The following TENM3 variants were observed in gnomAD, a reference collection of about 807,000 sequenced individuals.
The protein encoded by TENM3 is teneurin-3.
A neutral mutation model predicts 255.1 loss-of-function variants in TENM3; 63 were observed. The ratio of observed to expected loss-of-function variants is 0.25; its 90% confidence interval spans 0.20 to 0.30. The LOEUF (loss-of-function observed/expected upper bound fraction) is 0.30. Among genes scored for constraint, TENM3 ranks in the 10% least tolerant of loss-of-function variants. The pLI is 1.00. For synonymous variants in TENM3, 1,306 were observed against 1,322.3 expected, an observed-to-expected ratio of 0.99 and a Z score of 0.27; for missense variants, 2,929 against 3,461.1, an observed-to-expected ratio of 0.85 and a Z score of 3.86.
rs1302796789 is a variant in TENM3, at chr4:182,524,800, T to TA, written c.512-76123dup. Among the ~76,000 whole-genome samples the TA allele has an allele frequency of 3.4e-5, 5 of 146,356 alleles. No individual in the cohort carries two copies. The East Asian group carries it at 1.0e-3, about 30-fold the overall frequency. ...GGGAGGCCAAAGTGGATGGATCCCTTACCCCCTGGAGTTTGAGACATAGTA... is the reference window on the plus strand; with the variant it reads ...GGGAGGCCAAAGTGGATGGATCCCTTAACCCCCTGGAGTTTGAGACATAGTA... On this transcript the variant is annotated intron_variant, in intron 3 of 27. Transcript: ENST00000511685.
intron 2 of TENM3, among the ~76,000 whole-genome samples, chr4:182,345,775 A>G (rs940127795): frequency 6.6e-6 from 1 of 152,172 alleles, no homozygotes; most frequent in Admixed American, 6.5e-5. Flanking sequence ...TTGCAGTGTC[A>G]TGAGTTTTAT....
At chr4:182,208,795 G>T (rs1405376110) in intron 1 of TENM3, among the ~76,000 whole-genome samples, 1 of 152,154 alleles carries the variant, frequency 6.6e-6, no homozygotes, top group African/African-American at 2.4e-5. Context: ...GCAGAGCCCA[G>T]ACTCCACCAG....
At chr4:181,809,205 T>TGTTTGTTTGG in the TENM3 span, among the ~76,000 whole-genome samples, 1 of 152,178 alleles carries the variant, frequency 6.6e-6, no homozygotes, top group South Asian at 2.1e-4. Flanking sequence ...AACAAACATA[T>TGTTTGTTTGG]ACTTATAAGG....
At chr4:181,623,811 G>C in the TENM3 span, among the ~76,000 whole-genome samples, 1 of 152,164 alleles carries the variant, frequency 6.6e-6, no homozygotes, top group African/African-American at 2.4e-5. Flanking sequence ...TCTTCATTCA[G>C]ATATTAAGCA....
At chr4:181,909,603 C>T in the TENM3 span, among the ~76,000 whole-genome samples, 1 of 151,352 alleles carries the variant, frequency 6.6e-6, no homozygotes, top group African/African-American at 2.4e-5. Context: ...TCCCCACCCA[C>T]ATCATACTGT....
chr4:182,306,462 G>A (rs575153817), intron 1 of TENM3, among the ~76,000 whole-genome samples: 2 of 152,340 alleles, frequency 1.3e-5, no homozygotes, highest in African/African-American at 4.8e-5. Flanking sequence ...ATTATCATAA[G>A]TAGATAGGTG....
At chr4:182,479,684 CTT>C (rs200110090) in intron 3 of TENM3, among the ~76,000 whole-genome samples, 5,093 of 152,060 alleles carry the variant, frequency 0.033, 132 homozygotes, top group South Asian at 0.12. Context: ...TACTCTGACT[CTT>C]TATAAATAAC....
chr4:181,710,821 T>G, the TENM3 span, among the ~76,000 whole-genome samples: 1 of 149,782 alleles, frequency 6.7e-6, no homozygotes, highest in Non-Finnish European at 1.5e-5. Context: ...AGAGCTGGGA[T>G]TACAGGCATG....
At chr4:182,668,752 C>T (rs1754943691) in intron 6 of TENM3, among the ~76,000 whole-genome samples, 1 of 152,110 alleles carries the variant, frequency 6.6e-6, no homozygotes, top group South Asian at 2.1e-4. Context: ...AGAAACAAGG[C>T]AAGAATACCT....
At chr4:182,444,566 C>T (rs1489353375) in intron 3 of TENM3, among the ~76,000 whole-genome samples, 3 of 152,134 alleles carry the variant, frequency 2.0e-5, no homozygotes, top group Non-Finnish European at 2.9e-5. Context: ...TTTTTTTCCT[C>T]TATAAGATTA....
chr4:181,655,696 G>A, the TENM3 span, among the ~76,000 whole-genome samples: 2 of 152,010 alleles, frequency 1.3e-5, no homozygotes, highest in Non-Finnish European at 2.9e-5. Context: ...AGACCTGAAG[G>A]GTATAATGGA....
intron 1 of TENM3, among the ~76,000 whole-genome samples, chr4:182,323,069 C>T (rs573287743): frequency 1.3e-5 from 2 of 152,156 alleles, no homozygotes; most frequent in African/African-American, 2.4e-5. Flanking sequence ...CGGATTCGCC[C>T]CGGGCCACTC....
the TENM3 span, among the ~76,000 whole-genome samples, chr4:181,494,110 A>G: frequency 6.6e-6 from 1 of 152,302 alleles, no homozygotes; most frequent in East Asian, 1.9e-4. Context: ...TAACTTGTCA[A>G]GGGTTATACA....
intron 4 of TENM3, among the ~76,000 whole-genome samples, chr4:182,615,361 A>G (rs72701978): frequency 0.21 from 31,781 of 152,062 alleles, 3,887 homozygotes; most frequent in Admixed American, 0.28. Context: ...GAAGAAATTA[A>G]TGAAGCATTT....
At chr4:182,556,788 A>G (rs1272249751) in intron 3 of TENM3, among the ~76,000 whole-genome samples, 3 of 152,176 alleles carry the variant, frequency 2.0e-5, no homozygotes, top group Non-Finnish European at 2.9e-5. Flanking sequence ...TATCAACCCC[A>G]TGTTACTATA....
At chr4:182,024,633 G>C in the TENM3 span, among the ~76,000 whole-genome samples, 13 of 152,228 alleles carry the variant, frequency 8.5e-5, no homozygotes, top group South Asian at 2.5e-3. Flanking sequence ...TGCAGTGGAT[G>C]ATCGTCACAT....
At chr4:181,681,746 C>A in the TENM3 span, among the ~76,000 whole-genome samples, 4 of 130,962 alleles carry the variant, frequency 3.1e-5, no homozygotes, top group African/African-American at 1.3e-4. Flanking sequence ...GTAGACTCAG[C>A]TATTTTTTTT....
rs778394324 is a variant in TENM3 at position 182,688,204 on chromosome 4, A to T, written c.2074A>T (p.Met692Leu). 1 of 1,613,658 alleles carries T rather than the reference A, an allele frequency of 6.2e-7. No individual in the cohort carries two copies. Among genetic ancestry groups the T allele is most frequent in the South Asian group, 1.1e-5 (1 of 91,020 alleles). The change falls in exon 12 of 28, where the codon ATG becomes TTG. Residue 692 changes from methionine to leucine, a missense_variant. By Grantham distance (15) the Met-to-Leu change is conservative. Transcript: ENST00000511685. ...SVDCGSHGVC[M>L]GGTCRCEEGW... is the part of the protein sequence containing the mutation. ...GGACTGTGGCTCACACGGCGTTTGC[A>T]TGGGGGGGACGTGTCGCTGTGAAGA...
chr4:182,093,186 A>G, the TENM3 span, among the ~76,000 whole-genome samples: 1 of 152,176 alleles, frequency 6.6e-6, no homozygotes, highest in African/African-American at 2.4e-5. Flanking sequence ...GTCACCTCCA[A>G]ATTAATCCCT....
Sources: gnomAD v4.1 joint callset for allele counts (sites outside exome capture counted in the v4.1 genomes callset) on GRCh38, gnomAD v4.1.1 for gene constraint, MANE v1.5 for transcripts, NCBI Gene and HGNC (gene_info 2026-07-23, HGNC 2026-07-21) for gene names.